The following MYH16 variants were observed in gnomAD, a reference collection of about 807,000 sequenced individuals.
MYH16 encodes the protein putative uncharacterized protein MYH16.
At chr7:99,259,587 T>C (rs1791914527) in intron 11 of MYH16, among the ~76,000 whole-genome samples, 1 of 152,036 alleles carries the variant, frequency 6.6e-6, no homozygotes, top group Non-Finnish European at 1.5e-5. Context: ...GCCTCCCAAG[T>C]AGCTGGGATT....
At chr7:99,296,182 CA>C (rs1424760447) in intron 33 of MYH16, among the ~76,000 whole-genome samples, 5 of 145,278 alleles carry the variant, frequency 3.4e-5, no homozygotes. Flanking sequence ...TCCTAAAACT[CA>C]AAAAGATTTT....
intron 37 of MYH16, among the ~76,000 whole-genome samples, chr7:99,299,935 A>ATTTG: frequency 8.8e-6 from 1 of 113,760 alleles, no homozygotes; most frequent in East Asian, 4.3e-4. Context: ...TATTTTATTT[A>ATTTG]TTTATTTATT....
intron 2 of MYH16, among the ~76,000 whole-genome samples, chr7:99,247,138 A>G (rs1791742290): frequency 1.3e-5 from 2 of 152,190 alleles, no homozygotes; most frequent in African/African-American, 4.8e-5. Flanking sequence ...AGACTCAGAT[A>G]GTCATAAGAT....
intron 28 of MYH16, among the ~76,000 whole-genome samples, chr7:99,287,617 T>C (rs914444305): frequency 3.4e-5 from 5 of 148,290 alleles, no homozygotes; most frequent in Non-Finnish European, 6.0e-5. Context: ...TGGCTCCATC[T>C]ACAAAGACAC....
chr7:99,243,460 GTGGCTGTAGATCTTC>G (rs1276685135), intron 2 of MYH16: 3 of 152,872 alleles, frequency 2.0e-5, no homozygotes, highest in African/African-American at 7.2e-5. Context: ...GGAGGAAGGA[GTGGCTGTAGATCTTC>G]TGCTTTTCTT....
chr7:99,259,385 G>C (rs1434597593), intron 11 of MYH16, among the ~76,000 whole-genome samples: 4 of 152,268 alleles, frequency 2.6e-5, no homozygotes, highest in Non-Finnish European at 5.9e-5. Context: ...AGGCAAAGGT[G>C]GGGGGATCAC....
Position 99,275,851 on chromosome 7 carries a change from C to T in MYH16, n.2486-1688C>T, listed in dbSNP as rs1452611706. 3.9e-5 allele frequency among the ~76,000 whole-genome samples: 6 copies of T among 152,258 alleles called. No individual in the cohort carries two copies. In the East Asian group the frequency reaches 9.6e-4, roughly 24 times the overall value. On this transcript the variant is annotated intron_variant and non_coding_transcript_variant, in intron 20 of 41. Transcript: ENST00000439784. The stretch of plus-strand genomic sequence containing the variant: ...GATTCAAGCGATTCTCCTGCCTCAA[C>T]CTCCCGAGTAGCTGGGATTAAGGCG...
chr7:99,253,060 G>C (rs1477699919), intron 7 of MYH16: 2 of 152,228 alleles, frequency 1.3e-5, no homozygotes, highest in African/African-American at 4.8e-5. Context: ...GAGCCTAGGA[G>C]TTCAAGACCA....
At chr7:99,297,334 G>A (rs375586218) in intron 34 of MYH16, among the ~76,000 whole-genome samples, 1 of 152,142 alleles carries the variant, frequency 6.6e-6, no homozygotes, top group Non-Finnish European at 1.5e-5. Flanking sequence ...TTGGGAGGCT[G>A]AGGCAGGAGA....
intron 25 of MYH16, 104 bp from the exon 8 acceptor site, chr7:99,284,741 C>T (rs902373355): frequency 1.6e-4 from 67 of 426,214 alleles, no homozygotes; most frequent in Non-Finnish European, 1.9e-4. Context: ...ACGTGCTTTT[C>T]GGCAGGTTCA....
intron 21 of MYH16, among the ~76,000 whole-genome samples, chr7:99,277,957 G>A (rs1792142080): frequency 6.6e-6 from 1 of 151,484 alleles, no homozygotes; most frequent in South Asian, 2.1e-4. Context: ...CAGACAGACA[G>A]ACAGACAGAC....
intron 20 of MYH16, among the ~76,000 whole-genome samples, chr7:99,277,147 AC>A (rs1214181895): frequency 6.6e-6 from 1 of 151,966 alleles, no homozygotes; most frequent in African/African-American, 2.4e-5. Context: ...AGGTGGGAGG[AC>A]TCAGTAGGGA....
intron 40 of MYH16, 96 bp downstream of exon 21, chr7:99,304,852 C>T (rs2150839481): frequency 6.6e-6 from 1 of 152,538 alleles, no homozygotes; most frequent in African/African-American, 2.4e-5. Flanking sequence ...AAAAACATGT[C>T]CTGCATTTGA....
chr7:99,274,321 A>G (rs1279232361), intron 20 of MYH16, among the ~76,000 whole-genome samples: 5 of 152,208 alleles, frequency 3.3e-5, no homozygotes, highest in Non-Finnish European at 5.9e-5. Flanking sequence ...TGGGCACCAG[A>G]AGAGGGAGTC....
At chr7:99,257,162 G>C (rs185585218) in intron 9 of MYH16, 1 of 152,594 alleles carries the variant, frequency 6.6e-6, no homozygotes, top group Admixed American at 6.5e-5. Flanking sequence ...AACTCTCCCT[G>C]TTCAGGGGGT....
At chr7:99,258,219 A>G (rs1791894984) in exon 11 of MYH16, 1 of 152,740 alleles carries the variant, frequency 6.5e-6, no homozygotes, top group Non-Finnish European at 1.5e-5. Context: ...AGTTTGTGCA[A>G]AAAGGCCAGA....
intron 3 of MYH16, among the ~76,000 whole-genome samples, chr7:99,248,821 G>T (rs145919364): frequency 1.1e-3 from 169 of 152,290 alleles, no homozygotes; most frequent in African/African-American, 3.9e-3. Flanking sequence ...GGATGGGCAC[G>T]TGGCCACAGA....
downstream of MYH16, among the ~76,000 whole-genome samples, chr7:99,309,645 G>A (rs1453772665): frequency 1.3e-5 from 2 of 152,226 alleles, no homozygotes; most frequent in East Asian, 1.9e-4. Flanking sequence ...AGACTCAGAA[G>A]GCAGTTCAGC....
At chr7:99,301,212 AAAAAAAG>A (rs1331522745) in intron 37 of MYH16, among the ~76,000 whole-genome samples, 1 of 151,154 alleles carries the variant, frequency 6.6e-6, no homozygotes, top group Non-Finnish European at 1.5e-5. Context: ...AAAAAAAAAA[AAAAAAAG>A]AGAGAGAGAG....
Sources: gnomAD v4.1 joint callset for allele counts (sites outside exome capture counted in the v4.1 genomes callset) on GRCh38, gnomAD v4.1.1 for gene constraint, MANE v1.5 for transcripts, NCBI Gene and HGNC (gene_info 2026-07-23, HGNC 2026-07-21) for gene names.